Variants in ARHGAP29 observed in about 807,000 individuals in gnomAD.
ARHGAP29 encodes the protein Rho GTPase activating protein 29.
Under a neutral mutation model 122.6 loss-of-function variants are expected in ARHGAP29, and 43 were observed. The observed-to-expected ratio is 0.35, with a 90% CI of 0.27 to 0.45. The LOEUF is 0.45. Among genes scored for constraint, ARHGAP29 ranks in the 20% least tolerant of loss-of-function variants. The pLI is 1.00. For synonymous variants in ARHGAP29, 506 were observed against 497.1 expected (o/e 1.02, Z -0.24); for missense variants, 1,303 against 1,477.2 (o/e 0.88, Z 1.93).
chr1:94,199,378 C>T (rs552462280), intron 12 of ARHGAP29, among the ~76,000 whole-genome samples: 18 of 152,166 alleles, frequency 1.2e-4, no homozygotes, highest in African/African-American at 4.3e-4. Flanking sequence ...CAAATGGTAT[C>T]AAAACAAGTG....
intron 22 of ARHGAP29, among the ~76,000 whole-genome samples, chr1:94,175,945 C>T (rs1444693554): frequency 2.0e-5 from 3 of 152,050 alleles, no homozygotes; most frequent in East Asian, 1.9e-4. Context: ...CTTCAAGATC[C>T]GCACACCTCA....
At chr1:94,244,892 T>C (rs921343352) in intron 1 of ARHGAP29, among the ~76,000 whole-genome samples, 1 of 152,090 alleles carries the variant, frequency 6.6e-6, no homozygotes, top group Non-Finnish European at 1.5e-5. Flanking sequence ...ACTCTTACAA[T>C]TCAATAAAAA....
At chr1:94,207,612 G>C (rs1041084907) in intron 5 of ARHGAP29, among the ~76,000 whole-genome samples, 1 of 151,846 alleles carries the variant, frequency 6.6e-6, no homozygotes, top group African/African-American at 2.4e-5. Flanking sequence ...ATAAAATTTA[G>C]GAATAATCAT....
At chr1:94,275,663 C>T (rs1655157001), upstream of ARHGAP29, among the ~76,000 whole-genome samples, 1 of 151,902 alleles carries the variant, frequency 6.6e-6, no homozygotes, top group Non-Finnish European at 1.5e-5. Context: ...AAACTAGTGT[C>T]CAGTAGGGTT....
At chr1:94,293,740 C>T in the ARHGAP29 span, among the ~76,000 whole-genome samples, 5 of 152,166 alleles carry the variant, frequency 3.3e-5, no homozygotes, top group East Asian at 3.9e-4. Context: ...GGAAAGGGTG[C>T]ACAACTTCCA....
intron 3 of ARHGAP29, among the ~76,000 whole-genome samples, chr1:94,215,707 A>C (rs1364694490): frequency 6.6e-6 from 1 of 152,148 alleles, no homozygotes; most frequent in East Asian, 1.9e-4. Context: ...AGAGCAGAGA[A>C]GCCTTTCCTA....
chr1:94,191,046 G>A (rs1182079575), intron 12 of ARHGAP29: 2 of 152,122 alleles, frequency 1.3e-5, no homozygotes, highest in Admixed American at 1.3e-4. Flanking sequence ...GTGCAAATGT[G>A]AATGCGAAAG....
intron 12 of ARHGAP29, chr1:94,191,222 AAG>A (rs1650114794): frequency 6.6e-6 from 1 of 152,168 alleles, no homozygotes; most frequent in African/African-American, 2.4e-5. Flanking sequence ...ATTTTACACA[AAG>A]CTGTAACATG....
Position 94,184,174 on chromosome 1 carries a change from C to T in ARHGAP29, c.2224G>A (p.Val742Ile), listed in dbSNP as rs200371298. 107 of 1,607,748 alleles carry T rather than the reference C, an allele frequency of 6.7e-5. No individual in the cohort carries two copies. The South Asian group carries it at 8.1e-4, about 12-fold the overall frequency. The change falls in exon 19 of 23, where the codon GTC becomes ATC. Residue 742 changes from valine (V) to isoleucine (I), a missense_variant. Val to Ile is a conservative substitution (Grantham distance 29). Coordinates refer to ENST00000260526, the MANE Select transcript of ARHGAP29 (RefSeq NM_004815.4). ...ACCTGCCGAAGGTATAATTTCAAGA[C>T]GTCACAGATATCATGTGAACTAAAT... Reference protein sequence around the residue: ...SEFSSHDICDVLKLYLRQLPE... With the variant: ...SEFSSHDICDILKLYLRQLPE...
chr1:94,179,666 A>G, intron 20 of ARHGAP29, 59 bp downstream of exon 20: 1 of 1,180,428 alleles, frequency 8.5e-7, no homozygotes, highest in Non-Finnish European at 1.2e-6. Context: ...ACCACAATTA[A>G]AAACAAAAAA....
intron 1 of ARHGAP29, among the ~76,000 whole-genome samples, chr1:94,258,813 T>A (rs1311662281): frequency 6.6e-6 from 1 of 152,224 alleles, no homozygotes; most frequent in Non-Finnish European, 1.5e-5. Flanking sequence ...AGAGACTAAT[T>A]AATATGAACA....
the ARHGAP29 span, among the ~76,000 whole-genome samples, chr1:94,288,709 T>C: frequency 6.6e-6 from 1 of 152,232 alleles, no homozygotes; most frequent in South Asian, 2.1e-4. Context: ...TTCAGCTTTC[T>C]ACATATGGCT....
chr1:94,246,898 G>A (rs527670764), intron 1 of ARHGAP29, among the ~76,000 whole-genome samples: 90 of 152,196 alleles, frequency 5.9e-4, no homozygotes, highest in Admixed American at 7.2e-4. Context: ...GGCGAGACCA[G>A]GCAGTAATGA....
At chr1:94,246,682 A>G (rs1185075319) in intron 1 of ARHGAP29, among the ~76,000 whole-genome samples, 1 of 152,176 alleles carries the variant, frequency 6.6e-6, no homozygotes, top group Non-Finnish European at 1.5e-5. Flanking sequence ...CAAGGGAGGA[A>G]CGTCCTTGGC....
In ARHGAP29 at chr1:94,188,923, G is replaced by C; in HGVS notation, c.1595C>G (p.Ser532Ter). ...ATCACTAAACATCCCAAATGTCCAT[G>C]ATCTTATAAAGGAAGGACCTTTAAT... ...ADITGPSFIR[S>*]WTFGMFSDSE... Residue 532 changes from serine to a stop codon, truncating the protein, a stop_gained, in exon 15 of 23, where the codon TCA (serine) becomes TGA (stop). Coordinates refer to ENST00000260526, the MANE Select transcript of ARHGAP29 (RefSeq NM_004815.4). LOFTEE classifies it high-confidence loss of function. 2 of 1,612,914 alleles carry C rather than the reference G, an allele frequency of 1.2e-6. No homozygotes were observed. The highest frequency in any genetic ancestry group is 1.7e-6 in the Non-Finnish European group (2 of 1,179,186).
upstream of ARHGAP29, among the ~76,000 whole-genome samples, chr1:94,238,413 GA>G (rs527812500): frequency 4.1e-5 from 6 of 147,398 alleles, no homozygotes; most frequent in East Asian, 7.9e-4. Flanking sequence ...ATAATGAGAA[GA>G]AAAAAAAAAG....
chr1:94,182,100 T>TG (rs1649504571), intron 19 of ARHGAP29, among the ~76,000 whole-genome samples: 1 of 150,596 alleles, frequency 6.6e-6, no homozygotes. Flanking sequence ...CAAGAATCCT[T>TG]AAAAAAAAAT....
In ARHGAP29 at chr1:94,174,192, G is replaced by T. The variant is rs759801346; in HGVS notation, c.3463C>A (p.Pro1155Thr). Residue 1155 changes from proline (P) to threonine (T), a missense_variant, in exon 23 of 23, where the codon CCC becomes ACC. Physicochemically the swap from Pro to Thr is conservative, Grantham distance 38. Around this residue, in one of 3 missense-constraint regions of ARHGAP29, gnomAD observed 620 missense variants for 651.2 expected, o/e 0.95. Transcript: ENST00000260526. ...DSYPLAPVRA[P>T]RTLQPQHWTT... ...CAATGTTGAGGCTGCAGTGTTCTGG[G>T]TGCTCTGACAGGAGCGAGAGGGTAG... The T allele has an allele frequency of 6.2e-7, 1 of 1,614,218 alleles. No individual in the cohort carries two copies. The highest frequency in any genetic ancestry group is 1.7e-5 in the Admixed American group (1 of 60,028).
At chr1:94,304,144 GGGGGATGGGGGAAGAAGGTCTCACTCT>G in the ARHGAP29 span, among the ~76,000 whole-genome samples, 1 of 152,022 alleles carries the variant, frequency 6.6e-6, no homozygotes, top group African/African-American at 2.4e-5. Flanking sequence ...CACCTTTTTT[GGGGGATGGGGGAAGAAGGTCTCACTCT>G]GTCTCCTAGG....
Sources: allele counts gnomAD v4.1 joint callset (sites outside exome capture counted in the v4.1 genomes callset), GRCh38; gene constraint gnomAD v4.1.1; regional missense constraint gnomAD v4.1.1; transcripts MANE v1.5; gene names NCBI Gene and HGNC (gene_info 2026-07-23, HGNC 2026-07-21).